The following PLEKHM3 variants were observed in gnomAD, a reference collection of about 807,000 sequenced individuals.
The protein encoded by PLEKHM3 is pleckstrin homology domain-containing family M member 3.
PLEKHM3 carries 45 observed loss-of-function variants against 81.8 expected under a neutral mutation model. The ratio of observed to expected loss-of-function variants is 0.55; its 90% CI spans 0.43 to 0.71. PLEKHM3 has a LOEUF of 0.71. Among genes scored for constraint, PLEKHM3 ranks in the 30% least tolerant of loss-of-function variants. The pLI, the probability that PLEKHM3 is intolerant of heterozygous loss-of-function variation, is 0.00. For synonymous variants in PLEKHM3, 352 were observed against 356.4 expected (o/e 0.99, Z 0.14); for missense variants, 788 against 924.3 (o/e 0.85, Z 1.91).
At chr2:207,930,369 T>A (rs1018699050) in intron 5 of PLEKHM3, among the ~76,000 whole-genome samples, 1 of 151,990 alleles carries the variant, frequency 6.6e-6, no homozygotes, top group Non-Finnish European at 1.5e-5. Flanking sequence ...ATCGCTTGAG[T>A]CCAGGATTTT....
At chr2:208,009,827 G>A (rs1056769947) in intron 1 of PLEKHM3, among the ~76,000 whole-genome samples, 8 of 152,112 alleles carry the variant, frequency 5.3e-5, no homozygotes, top group Non-Finnish European at 1.0e-4. Flanking sequence ...CTAGTTTCCT[G>A]GCAAAATTAT....
At chr2:207,936,838 G>C (rs1457624908) in intron 4 of PLEKHM3, among the ~76,000 whole-genome samples, 1 of 144,018 alleles carries the variant, frequency 6.9e-6, no homozygotes, top group Admixed American at 7.0e-5. Context: ...GAACTGGTTA[G>C]ATAAATTAGT....
In PLEKHM3 at chr2:207,856,745, T is replaced by C. The variant is rs192495021; in HGVS notation, c.2108+4360A>G. On this transcript the variant is annotated intron_variant, in intron 7 of 7. Transcript: ENST00000427836. Reference sequence around the variant, plus strand: ...CTTGGCTGCTTCCAGTTTTTAGTGATTATGAATAAAGCTGCCATAAACATC... The same window carrying C: ...CTTGGCTGCTTCCAGTTTTTAGTGACTATGAATAAAGCTGCCATAAACATC... 7.6e-3 allele frequency among the ~76,000 whole-genome samples: 1,160 copies of C among 152,312 alleles called. 9 individuals carry two copies. The highest frequency in any genetic ancestry group is 9.1e-3 in the Non-Finnish European group (620 of 68,026).
intron 4 of PLEKHM3, among the ~76,000 whole-genome samples, chr2:207,941,879 A>G (rs1574427294): frequency 6.6e-6 from 1 of 152,292 alleles, no homozygotes. Context: ...CAACATCACT[A>G]ATCATCAGGG....
intron 6 of PLEKHM3, among the ~76,000 whole-genome samples, chr2:207,882,102 A>C (rs778386641): frequency 6.6e-6 from 1 of 152,198 alleles, no homozygotes; most frequent in Non-Finnish European, 1.5e-5. Flanking sequence ...AGAGAAATTT[A>C]AGGAGAGCAA....
At position 207,940,305 on chromosome 2, in the gene PLEKHM3, C is replaced by T. The variant is rs113634798; in HGVS notation, c.1692+6062G>A. Among the ~76,000 whole-genome samples the T allele has an allele frequency of 1.6e-3, 238 of 152,320 alleles. 2 individuals are homozygous for T. The highest frequency in any genetic ancestry group is 5.3e-3 in the African/African-American group (222 of 41,570). On this transcript the variant is annotated intron_variant, in intron 4 of 7. Coordinates refer to ENST00000427836, the MANE Select transcript of PLEKHM3 (RefSeq NM_001080475.3). Reference sequence around the variant, plus strand: ...GTGCTTTTCTTATATTACCCCAATTCACACAACTCTTTTAGGTAAATATGT... The same window carrying T: ...GTGCTTTTCTTATATTACCCCAATTTACACAACTCTTTTAGGTAAATATGT...
chr2:207,919,690 G>A (rs865842369), intron 5 of PLEKHM3, among the ~76,000 whole-genome samples: 8 of 152,178 alleles, frequency 5.3e-5, no homozygotes, highest in South Asian at 2.1e-4. Flanking sequence ...GTGAGTGGGC[G>A]TGGGTGGGAA....
At chr2:207,870,910 C>A (rs1447057099) in intron 6 of PLEKHM3, among the ~76,000 whole-genome samples, 1 of 152,158 alleles carries the variant, frequency 6.6e-6, no homozygotes, top group Non-Finnish European at 1.5e-5. Context: ...GAGTTCCAGA[C>A]CAGCCTGGCA....
chr2:207,980,380 C>G (rs1287993484), intron 2 of PLEKHM3, among the ~76,000 whole-genome samples: 1 of 152,088 alleles, frequency 6.6e-6, no homozygotes, highest in African/African-American at 2.4e-5. Context: ...AGGGAATCTT[C>G]AAGGTTCCCT....
chr2:208,000,743 T>C (rs1173540351), intron 2 of PLEKHM3, among the ~76,000 whole-genome samples: 3 of 152,112 alleles, frequency 2.0e-5, no homozygotes, highest in Admixed American at 6.5e-5. Flanking sequence ...GATTCTAACA[T>C]ACAAGATTAG....
chr2:207,901,337 A>G, intron 6 of PLEKHM3: 1 of 703,082 alleles, frequency 1.4e-6, no homozygotes, highest in Non-Finnish European at 2.6e-6. Flanking sequence ...GCTTGCATAA[A>G]GAACAATCTG....
At position 207,886,302 on chromosome 2, in the gene PLEKHM3, G is replaced by T. The variant is rs528320034; in HGVS notation, c.1950+22212C>A. Among the ~76,000 whole-genome samples, 3 of 152,240 alleles carry T rather than the reference G, an allele frequency of 2.0e-5. No homozygotes were observed. The South Asian group carries it at 6.2e-4, about 32-fold the overall frequency. ...GAGCCCAGGGGATTCCAACAAGAAG[G>T]AGAAAGAAATAACCTATAGATTAAA... On this transcript the variant is annotated intron_variant, in intron 6 of 7. Coordinates refer to ENST00000427836, the MANE Select transcript of PLEKHM3 (RefSeq NM_001080475.3).
intron 6 of PLEKHM3, among the ~76,000 whole-genome samples, chr2:207,876,806 C>A (rs191931903): frequency 6.6e-6 from 1 of 152,344 alleles, no homozygotes; most frequent in African/African-American, 2.4e-5. Flanking sequence ...CAGGTCTGCT[C>A]CGCCAGGGCT....
At chr2:207,829,207 A>G (rs906852) in intron 7 of PLEKHM3, among the ~76,000 whole-genome samples, 101,232 of 152,100 alleles carry the variant, frequency 0.67, 34,222 homozygotes, top group African/African-American at 0.77. Context: ...TGGATGACTC[A>G]TTTGTTGTTT....
At chr2:207,860,342 C>A (rs2092461306) in intron 7 of PLEKHM3, among the ~76,000 whole-genome samples, 1 of 151,992 alleles carries the variant, frequency 6.6e-6, no homozygotes, top group Non-Finnish European at 1.5e-5. Context: ...TTAGCTCTAC[C>A]CTACATGCTT....
chr2:208,016,666 A>ATACACACACACACACACACACAC (rs1468410522), intron 1 of PLEKHM3, among the ~76,000 whole-genome samples: 2 of 34,054 alleles, frequency 5.9e-5, no homozygotes, highest in African/African-American at 1.0e-4. Context: ...AAAAAAAAAA[A>ATACACACACACACACACACACAC]AAATACACAC....
At position 208,001,134 on chromosome 2, in the gene PLEKHM3, T is replaced by C; in HGVS notation, c.506A>G (p.Gln169Arg). The change falls in exon 2 of 8, where the codon CAG (glutamine) becomes CGG (arginine). Residue 169 changes from glutamine (Q) to arginine (R), a missense_variant. Gln to Arg is a conservative substitution (Grantham distance 43). Transcript: ENST00000427836. ...WRVVLKTTPL[Q>R]QQQQQQPLLQ... is the part of the protein sequence containing the mutation. ...CAATGGCTGCTGCTGTTGCTGCTGC[T>C]GCAAAGGCGTGGTTTTGAGGACTAC... The C allele has an allele frequency of 1.2e-6, 2 of 1,609,202 alleles. No individual in the cohort carries two copies. Among genetic ancestry groups the C allele is most frequent in the African/African-American group, 1.3e-5 (1 of 74,796 alleles).
rs752394703 is a variant in PLEKHM3 at position 207,827,273 on chromosome 2, GAAC to G, written c.*1043_*1045del. 6.6e-6 allele frequency: 1 copy of G among 151,742 alleles called. No individual in the cohort carries two copies. The highest frequency in any genetic ancestry group is 1.5e-5 in the Non-Finnish European group (1 of 67,950). The allele number at this position is 151,742 out of a possible 1,614,324, so 9.4% of individuals were successfully genotyped here. ...AAAGGTCGAAATGAAAGTGCAGGAA[GAAC>G]AACGAGAAATAAAGCACTTAAAATG... On this transcript the variant is annotated 3_prime_UTR_variant, in exon 8 of 8. Transcript: ENST00000427836.
At chr2:207,939,376 AG>A (rs1396642888) in intron 4 of PLEKHM3, among the ~76,000 whole-genome samples, 3 of 152,228 alleles carry the variant, frequency 2.0e-5, no homozygotes, top group African/African-American at 7.2e-5. Flanking sequence ...TGAGGGCAAG[AG>A]GAAGACAAGA....
Sources: gnomAD v4.1 joint callset for allele counts (sites outside exome capture counted in the v4.1 genomes callset) on GRCh38, gnomAD v4.1.1 for gene constraint, MANE v1.5 for transcripts, NCBI Gene and HGNC (gene_info 2026-07-23, HGNC 2026-07-21) for gene names.